ACBD6: variants seen among roughly 807,000 people sequenced by gnomAD.
ACBD6 encodes the protein acyl-CoA-binding domain-containing protein 6.
A neutral mutation model predicts 37.2 loss-of-function variants in ACBD6; 28 were observed. That is an observed-to-expected ratio of 0.75 (90% CI 0.56 to 1.03). The LOEUF is 1.03. Among genes scored for constraint, ACBD6 ranks in the 50% least tolerant of loss-of-function variants. The pLI is 0.00. For synonymous variants in ACBD6, 113 were observed against 126.8 expected (o/e 0.89, Z 0.73); for missense variants, 340 against 337.4 (o/e 1.01, Z -0.06).
intron 6 of ACBD6, among the ~76,000 whole-genome samples, chr1:180,317,473 G>A (rs533442379): frequency 6.6e-6 from 1 of 152,268 alleles, no homozygotes; most frequent in South Asian, 2.1e-4. Context: ...CCACTGAACT[G>A]TACATGTAAA....
intron 1 of ACBD6, among the ~76,000 whole-genome samples, chr1:180,497,162 T>C (rs1207101292): frequency 2.6e-5 from 4 of 152,216 alleles, no homozygotes; most frequent in East Asian, 1.9e-4. Flanking sequence ...ATAGCAATTA[T>C]AACTATTTTT....
At chr1:180,312,621 G>C (rs1240994151) in intron 7 of ACBD6, among the ~76,000 whole-genome samples, 1 of 151,848 alleles carries the variant, frequency 6.6e-6, no homozygotes, top group Non-Finnish European at 1.5e-5. Flanking sequence ...TTCTTGTTTC[G>C]GATTTTAAAG....
intron 6 of ACBD6, among the ~76,000 whole-genome samples, chr1:180,379,992 T>C (rs530432754): frequency 6.6e-6 from 1 of 152,338 alleles, no homozygotes; most frequent in East Asian, 1.9e-4. Context: ...CCAAGCATAG[T>C]GGCTCATGCC....
intron 3 of ACBD6, among the ~76,000 whole-genome samples, chr1:180,454,183 A>C (rs1649823237): frequency 6.6e-6 from 1 of 152,180 alleles, no homozygotes; most frequent in South Asian, 2.1e-4. Flanking sequence ...AGAGAGACAG[A>C]CCAATGAAAC....
intron 3 of ACBD6, among the ~76,000 whole-genome samples, chr1:180,467,201 T>C (rs942951445): frequency 6.6e-6 from 1 of 152,016 alleles, no homozygotes; most frequent in Non-Finnish European, 1.5e-5. Flanking sequence ...CATCTCAGCC[T>C]TCTGAGTAGC....
At chr1:180,501,435 C>A (rs1215900152) in intron 1 of ACBD6, among the ~76,000 whole-genome samples, 1 of 152,180 alleles carries the variant, frequency 6.6e-6, no homozygotes, top group Non-Finnish European at 1.5e-5. Flanking sequence ...ACCGCAACCT[C>A]CGCCTCCTCA....
chr1:180,490,080 CAATAGTGTA>C (rs567448583), intron 3 of ACBD6, among the ~76,000 whole-genome samples: 498 of 152,258 alleles, frequency 3.3e-3, no homozygotes, highest in Middle Eastern at 0.01. Context: ...CAAGCATCAC[CAATAGTGTA>C]GTATAAATCA....
At chr1:180,350,082 G>A (rs1475470808) in intron 6 of ACBD6, among the ~76,000 whole-genome samples, 1 of 148,596 alleles carries the variant, frequency 6.7e-6, no homozygotes, top group African/African-American at 2.5e-5. Flanking sequence ...CTGGAGTACA[G>A]TGGTGCGATC....
downstream of ACBD6, among the ~76,000 whole-genome samples, chr1:180,287,629 T>C (rs1649548241): frequency 7.0e-6 from 1 of 142,216 alleles, no homozygotes; most frequent in Non-Finnish European, 1.5e-5. Context: ...ACATATGACA[T>C]GGTCATTATA....
At chr1:180,490,189 T>G (rs961448696) in intron 3 of ACBD6, among the ~76,000 whole-genome samples, 7 of 152,240 alleles carry the variant, frequency 4.6e-5, no homozygotes, top group African/African-American at 1.7e-4. Flanking sequence ...TTCTAAACAT[T>G]GTGCAACAGT....
intron 6 of ACBD6, among the ~76,000 whole-genome samples, chr1:180,386,040 C>T (rs1057490694): frequency 6.6e-6 from 1 of 152,020 alleles, no homozygotes; most frequent in Non-Finnish European, 1.5e-5. Flanking sequence ...CATGGTGGTG[C>T]GTACCTGTAG....
chr1:180,396,227 T>C (rs1303429741), intron 6 of ACBD6, among the ~76,000 whole-genome samples: 2 of 152,142 alleles, frequency 1.3e-5, no homozygotes, highest in Non-Finnish European at 2.9e-5. Context: ...GTGCTGGTGA[T>C]GGGCACACAC....
intron 6 of ACBD6, among the ~76,000 whole-genome samples, chr1:180,394,114 C>G (rs1018897510): frequency 6.6e-6 from 1 of 152,150 alleles, no homozygotes; most frequent in African/African-American, 2.4e-5. Context: ...TTTTTAGAGA[C>G]AGGGTCTTAT....
chr1:180,391,526 A>T (rs1414046476), intron 6 of ACBD6, among the ~76,000 whole-genome samples: 1 of 17,782 alleles, frequency 5.6e-5, no homozygotes, highest in Non-Finnish European at 1.5e-4. Context: ...GAACATATAC[A>T]AATGACCAAT....
In ACBD6 at chr1:180,502,131, AC is replaced by A. The variant is rs753525553; in HGVS notation, c.135del (p.Phe46LeufsTer11). The A allele has an allele frequency of 6.2e-7, 1 of 1,613,864 alleles. No homozygotes were observed. On this transcript the variant is annotated frameshift_variant, in exon 1 of 8. Coordinates refer to ENST00000367595, the MANE Select transcript of ACBD6 (RefSeq NM_032360.4). LOFTEE classifies it high-confidence loss of function. ...TGCAGGTGCGCGGCAGCCTTCTCAA[AC>A]AGCTCGGCCAGGCAACTGGTCTCCT... is the stretch of plus-strand genomic sequence containing the variant. ...EIEETSCLAE[L>X]FEKAAAHLQG... is the part of the protein sequence containing the mutation.
At chr1:180,381,969 C>T (rs12045636) in intron 6 of ACBD6, among the ~76,000 whole-genome samples, 99,909 of 151,372 alleles carry the variant, frequency 0.66, 33,036 homozygotes, top group South Asian at 0.76. Context: ...ATTAGCTGGG[C>T]GTGGTGGTGC....
rs148094898 is a variant in ACBD6 at position 180,280,816 on chromosome 1, A to C, written c.*174+490T>G. Among the ~76,000 whole-genome samples, 183 of 152,246 alleles carry C rather than the reference A, an allele frequency of 1.2e-3. No individual in the cohort carries two copies. In the East Asian group the frequency reaches 0.018, roughly 15 times the overall value. ...CCAGTCTCTTGGGTGGTGGTTAGGG[A>C]AATTCACAATGTGGCTAGGAAGGGC... On this transcript the variant is annotated intron_variant, in intron 9 of 13. Transcript: ENST00000642319.
At chr1:180,381,667 C>G (rs559636506) in intron 6 of ACBD6, among the ~76,000 whole-genome samples, 1 of 151,974 alleles carries the variant, frequency 6.6e-6, no homozygotes, top group Non-Finnish European at 1.5e-5. Flanking sequence ...TTTATTGAAC[C>G]AAATGAAAAT....
At chr1:180,288,937 T>C (rs1394909600) in intron 7 of ACBD6, among the ~76,000 whole-genome samples, 1 of 151,906 alleles carries the variant, frequency 6.6e-6, no homozygotes, top group African/African-American at 2.4e-5. Flanking sequence ...TTTTGTTTTG[T>C]TTTTGAAGAG....
Sources: gnomAD v4.1 joint callset for allele counts (sites outside exome capture counted in the v4.1 genomes callset) on GRCh38, gnomAD v4.1.1 for gene constraint, MANE v1.5 for transcripts, NCBI Gene and HGNC (gene_info 2026-07-23, HGNC 2026-07-21) for gene names.